DNAH7: variants seen among roughly 807,000 people sequenced by gnomAD.
DNAH7 encodes the protein axonemal beta dynein heavy chain 7.
In DNAH7, 397 loss-of-function variants were observed where a neutral mutation model predicts 444.6. The ratio of observed to expected loss-of-function variants is 0.89; its 90% CI spans 0.82 to 0.97. DNAH7 has a LOEUF of 0.97. Ranked by LOEUF, DNAH7 falls within the 50% of genes least tolerant of loss-of-function variation. The pLI is 0.00. For missense variants in DNAH7, 4,902 were observed against 4,800.8 expected (o/e 1.02, Z -0.62); for synonymous variants, 1,636 against 1,624.4 (o/e 1.01, Z -0.17).
intron 51 of DNAH7, among the ~76,000 whole-genome samples, chr2:195,814,884 G>A (rs1286382696): frequency 1.3e-5 from 2 of 151,748 alleles, no homozygotes; most frequent in Admixed American, 1.3e-4. Flanking sequence ...GGGACTACAA[G>A]CCCACACCAC....
intron 47 of DNAH7, 106 bp downstream of exon 47, chr2:195,844,891 TAAGTA>T (rs1287750897): frequency 1.8e-5 from 16 of 872,490 alleles, no homozygotes; most frequent in Non-Finnish European, 2.6e-5. Context: ...ACTAATTAGT[TAAGTA>T]ATTTTTTAAT....
chr2:196,019,298 G>A lies in DNAH7; in HGVS notation c.744-3C>T. On this transcript the variant is annotated splice_polypyrimidine_tract_variant and splice_region_variant and intron_variant, in intron 8 of 64. Transcript: ENST00000312428. ...AAGGTTTTGGCAGAATTTCCATTCT[G>A]AAAACAAAGAAAATATTTAGTTACA... The A allele has an allele frequency of 6.9e-7, 1 of 1,455,670 alleles. No homozygotes were observed. The highest frequency in any genetic ancestry group is 9.2e-7 in the Non-Finnish European group (1 of 1,086,902). 90.2% of individuals were successfully genotyped at this position (1,455,670 alleles called of 1,614,324 possible).
intron 54 of DNAH7, among the ~76,000 whole-genome samples, chr2:195,802,066 C>G (rs1043650583): frequency 6.6e-6 from 1 of 152,208 alleles, no homozygotes; most frequent in Admixed American, 6.5e-5. Flanking sequence ...AGGATGCCTA[C>G]TTTTGTGAAA....
chr2:195,743,370 C>T (rs547383954), intron 63 of DNAH7, among the ~76,000 whole-genome samples: 2 of 152,316 alleles, frequency 1.3e-5, no homozygotes, highest in East Asian at 3.9e-4. Context: ...ATACATATAT[C>T]CTATTAGTTC....
At chr2:195,776,007 T>G in intron 59 of DNAH7, 24 bp from the exon 60 acceptor site, 1 of 1,609,136 alleles carries the variant, frequency 6.2e-7, no homozygotes, top group Non-Finnish European at 8.5e-7. Context: ...TAACAAGAAG[T>G]CAGGAGGTTA....
chr2:195,821,751 C>T (rs115056828), intron 49 of DNAH7, among the ~76,000 whole-genome samples: 3,424 of 152,270 alleles, frequency 0.022, 55 homozygotes, highest in Non-Finnish European at 0.03. Flanking sequence ...GATTAGCATC[C>T]AAGATGGAGT....
chr2:195,866,214 A>G (rs951274832), intron 40 of DNAH7, among the ~76,000 whole-genome samples: 1 of 152,228 alleles, frequency 6.6e-6, no homozygotes, highest in Non-Finnish European at 1.5e-5. Flanking sequence ...GTAACATGAC[A>G]AAATATGTGA....
chr2:196,055,110 T>C (rs1697724322), intron 2 of DNAH7, among the ~76,000 whole-genome samples: 1 of 152,154 alleles, frequency 6.6e-6, no homozygotes, highest in Admixed American at 6.5e-5. Flanking sequence ...ATCCCAGCAC[T>C]TTTGGAAAGC....
intron 63 of DNAH7, among the ~76,000 whole-genome samples, chr2:195,747,989 A>G (rs1693533664): frequency 6.6e-6 from 1 of 152,188 alleles, no homozygotes; most frequent in Admixed American, 6.5e-5. Flanking sequence ...GGCCAGGGCA[A>G]TCAGGCAGGA....
intron 17 of DNAH7, among the ~76,000 whole-genome samples, chr2:195,961,928 A>G (rs114377993): frequency 0.016 from 2,409 of 152,278 alleles, 75 homozygotes; most frequent in African/African-American, 0.055. Flanking sequence ...AAAGCAATAG[A>G]AAAGACATCT....
chr2:195,865,106 T>C (rs1479644732), intron 40 of DNAH7, 85 bp from the exon 41 acceptor site: 21 of 1,343,768 alleles, frequency 1.6e-5, no homozygotes, highest in Admixed American at 2.5e-5. Context: ...TCTCAGGTAA[T>C]AAAAATATTA....
At chr2:195,883,451 T>TCCC (rs778869268) in intron 35 of DNAH7, among the ~76,000 whole-genome samples, 65 of 121,112 alleles carry the variant, frequency 5.4e-4, no homozygotes, top group African/African-American at 1.8e-3. Context: ...CAGTCCCCGC[T>TCCC]CCCCCCCCCC....
Position 195,817,786 on chromosome 2 carries a change from T to A in DNAH7, c.9335A>T (p.Asp3112Val). The A allele has an allele frequency of 1.2e-6, 2 of 1,612,760 alleles. No homozygotes were observed. The highest frequency in any genetic ancestry group is 1.7e-6 in the Non-Finnish European group (2 of 1,179,394). The part of the protein sequence containing the change: ...NFMITPEGMQ[D>V]QLLGIVVAQE... ...TGCCACCACAATTCCCAGAAGCTGA[T>A]CTTGCATTCCCTCAGGGGTTATCAT... Residue 3112 changes from aspartate (D) to valine (V), a missense_variant, in exon 50 of 65, where the codon GAT becomes GTT. Physicochemically the swap from Asp to Val is radical, Grantham distance 152 (BLOSUM62 -3). Transcript: ENST00000312428.
At position 195,875,767 on chromosome 2, in the gene DNAH7, T is replaced by C. The variant is rs773341605; in HGVS notation, c.6194A>G (p.Gln2065Arg). Reference sequence around the variant, plus strand: ...ATACCAGTTCCAGTGGTCTAACCACTGTCTAAGTAACTCAATGGGAGGTTG... The same window carrying C: ...ATACCAGTTCCAGTGGTCTAACCACCGTCTAAGTAACTCAATGGGAGGTTG... The part of the protein sequence containing the change: ...GAQPPIELLR[Q>R]WLDHWNWYDL... The change falls in exon 38 of 65, where the codon CAG becomes CGG. Residue 2065 changes from glutamine to arginine, a missense_variant. Gln to Arg is a conservative substitution (Grantham distance 43, BLOSUM62 1). Transcript: ENST00000312428. The C allele has an allele frequency of 4.3e-6, 7 of 1,613,862 alleles. 1 individual carries two copies. In the South Asian group the frequency reaches 7.7e-5, roughly 18 times the overall value.
At chr2:196,011,954 A>C (rs533923462) in intron 10 of DNAH7, among the ~76,000 whole-genome samples, 12 of 152,202 alleles carry the variant, frequency 7.9e-5, no homozygotes, top group African/African-American at 2.6e-4. Flanking sequence ...TCACCTCTTA[A>C]CTCTACTTTT....
At chr2:196,011,106 T>C (rs930769407) in intron 10 of DNAH7, among the ~76,000 whole-genome samples, 2 of 152,144 alleles carry the variant, frequency 1.3e-5, no homozygotes, top group African/African-American at 4.8e-5. Flanking sequence ...GTAATGTGAC[T>C]ATAGTTAACA....
At chr2:195,938,315 GCTT>G (rs1443090053) in intron 19 of DNAH7, among the ~76,000 whole-genome samples, 5 of 148,124 alleles carry the variant, frequency 3.4e-5, no homozygotes, top group East Asian at 4.2e-4. Flanking sequence ...ATTTTATTAT[GCTT>G]CTTGTTTTAT....
In DNAH7 at chr2:195,779,744, T is replaced by C. The variant is rs1372277876; in HGVS notation, c.10879-1759A>G. ...CCTCAGCCTCTCAAGTAGCTGAGACTACAGATATATGCCACCATGCCCGGC... is the reference window on the plus strand; with the variant it reads ...CCTCAGCCTCTCAAGTAGCTGAGACCACAGATATATGCCACCATGCCCGGC... On this transcript the variant is annotated intron_variant, in intron 58 of 64. Coordinates refer to ENST00000312428, the MANE Select transcript of DNAH7 (RefSeq NM_018897.3). Among the ~76,000 whole-genome samples the C allele has an allele frequency of 2.0e-5, 3 of 152,218 alleles. No homozygotes were observed. The East Asian group carries it at 5.8e-4, about 29-fold the overall frequency.
intron 19 of DNAH7, among the ~76,000 whole-genome samples, chr2:195,941,612 T>C (rs1161321757): frequency 6.6e-6 from 1 of 151,996 alleles, no homozygotes; most frequent in Non-Finnish European, 1.5e-5. Context: ...TAATGCAGTT[T>C]TGTATACTTA....
Sources: gnomAD v4.1 joint callset for allele counts (sites outside exome capture counted in the v4.1 genomes callset) on GRCh38, gnomAD v4.1.1 for gene constraint, MANE v1.5 for transcripts, NCBI Gene and HGNC (gene_info 2026-07-23, HGNC 2026-07-21) for gene names.